SLC16A2: variants seen among roughly 807,000 people sequenced by gnomAD.
The protein encoded by SLC16A2 is monocarboxylate transporter 8.
Under a neutral mutation model 27.2 loss-of-function variants are expected in SLC16A2, and 3 were observed. That is an observed-to-expected ratio of 0.11 (90% confidence interval 0.05 to 0.28). SLC16A2 has a LOEUF of 0.28. Ranked by LOEUF, SLC16A2 falls within the 10% of genes least tolerant of loss-of-function variation. The pLI, the probability that SLC16A2 is intolerant of heterozygous loss-of-function variation, is 1.00. For synonymous variants in SLC16A2, 202 were observed against 187.8 expected (o/e 1.08, Z -0.62); for missense variants, 295 against 458.5 (o/e 0.64, Z 3.26).
At chrX:74,445,291 C>T (rs917900455) in intron 1 of SLC16A2, among the ~76,000 whole-genome samples, 1 of 110,882 alleles carries the variant, frequency 9.0e-6, no homozygotes, top group East Asian at 2.9e-4. Context: ...TCAGTCTCCA[C>T]GAATCAAATA....
At chrX:74,497,031 T>C (rs1929949976) in intron 1 of SLC16A2, among the ~76,000 whole-genome samples, 1 of 111,924 alleles carries the variant, frequency 8.9e-6, no homozygotes, top group African/African-American at 3.3e-5. Context: ...GCTGATCTGC[T>C]CCTCTGGACG....
intron 1 of SLC16A2, among the ~76,000 whole-genome samples, chrX:74,432,160 T>G (rs1334088203): frequency 1.8e-5 from 2 of 111,260 alleles, no homozygotes; most frequent in Admixed American, 1.9e-4. Context: ...GGGCAGATGG[T>G]GGGGTGGAGT....
At chrX:74,462,543 C>T (rs987860083) in intron 1 of SLC16A2, among the ~76,000 whole-genome samples, 1 of 111,719 alleles carries the variant, frequency 9.0e-6, no homozygotes, top group Non-Finnish European at 1.9e-5. Context: ...TGGTCTTAAA[C>T]TCCTGACCTC....
intron 1 of SLC16A2, among the ~76,000 whole-genome samples, chrX:74,435,543 A>ATGTGTG (rs1555980987): frequency 6.8e-5 from 6 of 88,387 alleles, no homozygotes; most frequent in Non-Finnish European, 1.3e-4. Context: ...ATATGTATAT[A>ATGTGTG]TATATATATA....
intron 1 of SLC16A2, among the ~76,000 whole-genome samples, chrX:74,438,278 C>T (rs1455217219): frequency 1.8e-5 from 2 of 112,536 alleles, no homozygotes; most frequent in Admixed American, 1.9e-4. Context: ...CATCATAATC[C>T]CTACCTCACA....
At chrX:74,463,133 G>T (rs1177639964) in intron 1 of SLC16A2, among the ~76,000 whole-genome samples, 1 of 111,410 alleles carries the variant, frequency 9.0e-6, no homozygotes, top group African/African-American at 3.3e-5. Context: ...AGGATGGATG[G>T]GGACAAAAGA....
chrX:74,447,696 AG>A (rs1928862208), intron 1 of SLC16A2, among the ~76,000 whole-genome samples: 2 of 107,065 alleles, frequency 1.9e-5, no homozygotes, highest in South Asian at 8.4e-4. Flanking sequence ...AAAAAAAAAA[AG>A]GCCGAGCACA....
chrX:74,521,336 A>T (rs1054068111), intron 2 of SLC16A2, among the ~76,000 whole-genome samples: 1 of 112,292 alleles, frequency 8.9e-6, no homozygotes, highest in African/African-American at 3.2e-5. Flanking sequence ...GAATATCCCC[A>T]GAGAGGACCT....
At chrX:74,453,944 G>C (rs1171902722) in intron 1 of SLC16A2, among the ~76,000 whole-genome samples, 3 of 111,995 alleles carry the variant, frequency 2.7e-5, no homozygotes, top group Admixed American at 9.5e-5. Context: ...AATGTGTAAT[G>C]ATCAAATCAG....
chrX:74,525,156 A>G (rs1458765189), intron 3 of SLC16A2, among the ~76,000 whole-genome samples: 3 of 111,895 alleles, frequency 2.7e-5, no homozygotes, highest in African/African-American at 6.5e-5. Flanking sequence ...CTTTGTGGTC[A>G]AATGATTTTG....
intron 1 of SLC16A2, among the ~76,000 whole-genome samples, chrX:74,466,506 T>A (rs1366650984): frequency 8.9e-6 from 1 of 112,333 alleles, no homozygotes; most frequent in Non-Finnish European, 1.9e-5. Flanking sequence ...CACTCTAGAT[T>A]ACTTATGATA....
At chrX:74,519,255 G>A (rs1930364258) in intron 1 of SLC16A2, among the ~76,000 whole-genome samples, 1 of 107,459 alleles carries the variant, frequency 9.3e-6, no homozygotes, top group African/African-American at 3.4e-5. Context: ...TCGGCTCACT[G>A]CAAGCTCCGC....
intron 1 of SLC16A2, among the ~76,000 whole-genome samples, chrX:74,479,501 C>G (rs369501591): frequency 1.8e-5 from 2 of 112,568 alleles, no homozygotes; most frequent in Non-Finnish European, 3.7e-5. Flanking sequence ...GTCATTCTCC[C>G]TCCAGCTTTG....
rs1930531476 is a variant in SLC16A2 at position 74,529,287 on chromosome X, C to T, written c.1245C>T (p.Val415=). 3.3e-6 allele frequency: 4 copies of T among 1,211,611 alleles called. No homozygotes were observed. Among genetic ancestry groups the T allele is most frequent in the Admixed American group, 2.2e-5 (1 of 46,080 alleles). ...PLCRDFGGLI[V]VCLFLGLCDG... ...GCCGGGACTTCGGGGGCCTTATCGT[C>T]GTCTGTCTTTTCCTGGGCCTTTGCG... The change falls in exon 5 of 6, where the codon GTC becomes GTT. Residue 415 remains valine (V), a synonymous_variant. Coordinates refer to ENST00000587091, the MANE Select transcript of SLC16A2 (RefSeq NM_006517.5).
At chrX:74,474,749 G>C (rs1274301222) in intron 1 of SLC16A2, among the ~76,000 whole-genome samples, 1 of 110,358 alleles carries the variant, frequency 9.1e-6, no homozygotes, top group African/African-American at 3.3e-5. Context: ...TTGTCCTTGC[G>C]ATAGTTTGCT....
At position 74,421,861 on chromosome X, in the gene SLC16A2, A is replaced by G. The variant is rs2147833992; in HGVS notation, c.224A>G (p.His75Arg). ...CTGGAGTTCGAGTCCGAGCGGGTGC[A>G]CGAACCCGAGCCCACGCCTACGGTA... is the stretch of plus-strand genomic sequence containing the variant. ...PELEFESERVHEPEPTPTVET... is the reference protein window; with the variant it reads ...PELEFESERVREPEPTPTVET... The change falls in exon 1 of 6, where the codon CAC (histidine) becomes CGC (arginine). Residue 75 changes from histidine to arginine, a missense_variant. Physicochemically the swap from His to Arg is conservative, Grantham distance 29. Coordinates refer to ENST00000587091, the MANE Select transcript of SLC16A2 (RefSeq NM_006517.5). 2 of 1,207,321 alleles carry G rather than the reference A, an allele frequency of 1.7e-6. No individual in the cohort carries two copies. Among genetic ancestry groups the G allele is most frequent in the Admixed American group, 2.2e-5 (1 of 45,900 alleles).
At chrX:74,432,184 C>T (rs1473732159) in intron 1 of SLC16A2, among the ~76,000 whole-genome samples, 1 of 111,165 alleles carries the variant, frequency 9.0e-6, no homozygotes, top group Non-Finnish European at 1.9e-5. Flanking sequence ...GGTGTCACTT[C>T]CTCCCGAGGG....
intron 1 of SLC16A2, among the ~76,000 whole-genome samples, chrX:74,434,816 GTTTT>G (rs1210272092): frequency 1.1e-5 from 1 of 89,257 alleles, no homozygotes. Flanking sequence ...ATCTTAGTTT[GTTTT>G]TTTTTTTTTT....
intron 1 of SLC16A2, 69 bp downstream of exon 1, chrX:74,422,136 A>AT: frequency 9.4e-7 from 1 of 1,065,831 alleles, no homozygotes; most frequent in Non-Finnish European, 1.3e-6. Context: ...CACCGACCCC[A>AT]TACCTCCCGG....
Sources: gnomAD v4.1 joint callset for allele counts (sites outside exome capture counted in the v4.1 genomes callset) on GRCh38, gnomAD v4.1.1 for gene constraint, MANE v1.5 for transcripts, NCBI Gene and HGNC (gene_info 2026-07-23, HGNC 2026-07-21) for gene names.